NFIB: variants seen among roughly 807,000 people sequenced by gnomAD.
NFIB encodes nuclear factor 1 B-type.
In NFIB, 11 loss-of-function variants were observed where a neutral mutation model predicts 61.5. The observed-to-expected ratio is 0.18, with a 90% CI of 0.11 to 0.30. The LOEUF (loss-of-function observed/expected upper bound fraction) is 0.30. Ranked by LOEUF, NFIB falls within the 10% of genes least tolerant of loss-of-function variation. The pLI is 1.00. For missense variants in NFIB, 471 were observed against 608.9 expected (o/e 0.77, Z 2.38); for synonymous variants, 260 against 216.5 (o/e 1.20, Z -1.76).
At position 14,365,784 on chromosome 9, in the gene NFIB, C is replaced by T. The variant is rs572111841; in HGVS notation, c.108+32740G>A. ...TTAAGTTTTTCTAATGAATCACAGACATGAGGCAGGAGGGAGAGAGTATCA... is the reference window on the plus strand; with the variant it reads ...TTAAGTTTTTCTAATGAATCACAGATATGAGGCAGGAGGGAGAGAGTATCA... On this transcript the variant is annotated intron_variant, in intron 1 of 8. Coordinates refer to the NFIB transcript ENST00000380934. Among the ~76,000 whole-genome samples the T allele has an allele frequency of 3.3e-5, 5 of 152,284 alleles. No homozygotes were observed. In the South Asian group the frequency reaches 1.0e-3, roughly 32 times the overall value.
intron 2 of NFIB, among the ~76,000 whole-genome samples, chr9:14,228,019 T>C (rs971312045): frequency 4.6e-5 from 7 of 152,344 alleles, no homozygotes; most frequent in Middle Eastern, 3.4e-3. Context: ...TCATTTACTC[T>C]TCCTTTAATC....
At chr9:14,470,208 C>T in the NFIB span, among the ~76,000 whole-genome samples, 1 of 152,186 alleles carries the variant, frequency 6.6e-6, no homozygotes, top group Non-Finnish European at 1.5e-5. Flanking sequence ...AGGTTGGAAA[C>T]AGCTGTTATT....
the NFIB span, among the ~76,000 whole-genome samples, chr9:14,516,341 C>T: frequency 4.7e-3 from 709 of 152,234 alleles, no homozygotes; most frequent in Non-Finnish European, 8.3e-3. Context: ...ATGGGATTTC[C>T]CCTTTATTTG....
the NFIB span, among the ~76,000 whole-genome samples, chr9:14,429,207 G>A: frequency 6.6e-6 from 1 of 152,126 alleles, no homozygotes; most frequent in African/African-American, 2.4e-5. Context: ...AAAGAACATA[G>A]AACAAAGATT....
At chr9:14,138,738 A>G (rs536939825) in intron 6 of NFIB, among the ~76,000 whole-genome samples, 2 of 152,242 alleles carry the variant, frequency 1.3e-5, no homozygotes, top group South Asian at 4.1e-4. Context: ...TTCTACTTTC[A>G]ATATTCTCCA....
chr9:14,428,413 C>T, the NFIB span, among the ~76,000 whole-genome samples: 20 of 151,944 alleles, frequency 1.3e-4, no homozygotes, highest in African/African-American at 4.8e-4. Context: ...CAGGTCGGAG[C>T]CTGAAGCTAG....
At chr9:14,288,373 T>G (rs976342800) in intron 2 of NFIB, among the ~76,000 whole-genome samples, 34 of 152,058 alleles carry the variant, frequency 2.2e-4, no homozygotes, top group African/African-American at 8.2e-4. Flanking sequence ...TCAAAGCCAT[T>G]TAGTATTAAA....
chr9:14,339,443 C>T (rs375419387), intron 1 of NFIB, among the ~76,000 whole-genome samples: 17 of 152,138 alleles, frequency 1.1e-4, no homozygotes, highest in Admixed American at 7.9e-4. Context: ...CAATTTCCCC[C>T]GTTGTTTCCC....
At chr9:14,264,781 G>A (rs2057063681) in intron 2 of NFIB, among the ~76,000 whole-genome samples, 1 of 152,116 alleles carries the variant, frequency 6.6e-6, no homozygotes, top group Non-Finnish European at 1.5e-5. Context: ...GAACGTTAAA[G>A]CCAATAAGGA....
intron 1 of NFIB, among the ~76,000 whole-genome samples, chr9:14,391,331 GCCC>G (rs59820032): frequency 0.78 from 116,445 of 148,698 alleles, 45,152 homozygotes; most frequent in African/African-American, 0.82. Flanking sequence ...TGCAGGAGAT[GCCC>G]CCCCCCCACC....
intron 1 of NFIB, among the ~76,000 whole-genome samples, chr9:14,363,422 C>T (rs2061263016): frequency 6.6e-6 from 1 of 152,128 alleles, no homozygotes; most frequent in African/African-American, 2.4e-5. Context: ...GTGTGCTCCT[C>T]CTTTTGGTTA....
At chr9:14,211,417 G>T (rs773906416) in intron 2 of NFIB, among the ~76,000 whole-genome samples, 13 of 152,008 alleles carry the variant, frequency 8.6e-5, no homozygotes, top group Non-Finnish European at 1.8e-4. Flanking sequence ...CATAAATTGG[G>T]TCTACACTGG....
intron 6 of NFIB, among the ~76,000 whole-genome samples, chr9:14,127,419 C>T (rs1177077677): frequency 6.6e-6 from 1 of 152,274 alleles, no homozygotes; most frequent in East Asian, 1.9e-4. Context: ...AACCCAACTT[C>T]GGCAATGATC....
the NFIB span, among the ~76,000 whole-genome samples, chr9:14,458,909 G>A: frequency 6.6e-6 from 1 of 151,900 alleles, no homozygotes; most frequent in African/African-American, 2.4e-5. Flanking sequence ...TCATGGATAG[G>A]AAGAATCAAT....
chr9:14,344,484 T>A (rs140085622), intron 1 of NFIB, among the ~76,000 whole-genome samples: 48 of 152,252 alleles, frequency 3.2e-4, no homozygotes, highest in African/African-American at 1.1e-3. Context: ...AAGCAGTTAG[T>A]TTGCTTCTTT....
At chr9:14,457,261 C>T in the NFIB span, among the ~76,000 whole-genome samples, 3 of 152,118 alleles carry the variant, frequency 2.0e-5, no homozygotes, top group East Asian at 5.8e-4. Context: ...CACTGCATAG[C>T]CTTCGCACAT....
chr9:14,199,449 C>T (rs1395139711), intron 2 of NFIB, among the ~76,000 whole-genome samples: 2 of 152,200 alleles, frequency 1.3e-5, no homozygotes, highest in Non-Finnish European at 2.9e-5. Flanking sequence ...AAATGGCCTG[C>T]CAGACCCTAA....
At chr9:14,479,535 A>G in the NFIB span, among the ~76,000 whole-genome samples, 4 of 152,122 alleles carry the variant, frequency 2.6e-5, no homozygotes, top group Non-Finnish European at 5.9e-5. Flanking sequence ...TTCCTTGCAC[A>G]TGTTGGCAAA....
chr9:14,486,037 A>G, the NFIB span, among the ~76,000 whole-genome samples: 2 of 152,172 alleles, frequency 1.3e-5, no homozygotes, highest in Non-Finnish European at 2.9e-5. Flanking sequence ...ACACACACAG[A>G]ACACACACTG....
Sources: allele counts gnomAD v4.1 joint callset (sites outside exome capture counted in the v4.1 genomes callset), GRCh38; gene constraint gnomAD v4.1.1; transcripts MANE v1.5; gene names NCBI Gene and HGNC (gene_info 2026-07-23, HGNC 2026-07-21).